Variants in ZNF66 observed in about 807,000 individuals in gnomAD.
ZNF66 encodes the protein putative zinc finger protein 66.
ZNF66 carries 32 observed loss-of-function variants against 35.2 expected under a neutral mutation model. The ratio of observed to expected loss-of-function variants is 0.91; its 90% CI spans 0.69 to 1.22. The LOEUF is 1.22. ZNF66 is among the 50% of genes most tolerant of loss of function. The probability of loss-of-function intolerance (pLI) is 0.00; values close to 1 mark genes in which losing one functional copy is unlikely to be tolerated. For missense variants in ZNF66, 666 were observed against 543.1 expected (o/e 1.23, Z -2.25); for synonymous variants, 231 against 181.3 (o/e 1.27, Z -2.20).
intron 1 of ZNF66, among the ~76,000 whole-genome samples, chr19:20,788,893 A>G (rs1382601176): frequency 6.6e-6 from 1 of 151,962 alleles, no homozygotes; most frequent in Non-Finnish European, 1.5e-5. Flanking sequence ...TCTACTAATA[A>G]TACAAAAATT....
In ZNF66 at chr19:20,776,345, C is replaced by G; in HGVS notation, c.-103C>G. The G allele has an allele frequency of 6.8e-7, 1 of 1,480,784 alleles. No individual in the cohort carries two copies. The highest frequency in any genetic ancestry group is 1.1e-5 in the South Asian group (1 of 88,286). The allele number at this position is 1,480,784 out of a possible 1,614,324, so 91.7% of individuals were successfully genotyped here. Reference sequence around the variant, plus strand: ...GGAGCTCCAGGTCGTCTGTTCACTGCTCTCTGTCTTCTTCTCCTAGAGGCC... The same window carrying G: ...GGAGCTCCAGGTCGTCTGTTCACTGGTCTCTGTCTTCTTCTCCTAGAGGCC... On this transcript the variant is annotated 5_prime_UTR_variant, in exon 1 of 4. Coordinates refer to ENST00000344519, the MANE Select transcript of ZNF66 (RefSeq NM_001355197.2).
At chr19:20,786,421 T>TG (rs1213314614) in intron 1 of ZNF66, among the ~76,000 whole-genome samples, 1 of 151,742 alleles carries the variant, frequency 6.6e-6, no homozygotes, top group Non-Finnish European at 1.5e-5. Context: ...CAGAGTAACA[T>TG]GTGTGCATTG....
intron 3 of ZNF66, chr19:20,799,258 C>A (rs1433341565): frequency 1.3e-5 from 2 of 151,972 alleles, no homozygotes; most frequent in East Asian, 3.9e-4. Context: ...AATGGTATTT[C>A]ACCATGTTGG....
chr19:20,777,616 A>T (rs570132213), intron 1 of ZNF66, among the ~76,000 whole-genome samples: 1 of 147,380 alleles, frequency 6.8e-6, no homozygotes, highest in Admixed American at 6.8e-5. Flanking sequence ...CATGTTCCTC[A>T]ATTAATTATT....
chr19:20,800,075 G>A (rs1436750808), intron 3 of ZNF66, among the ~76,000 whole-genome samples: 1 of 152,192 alleles, frequency 6.6e-6, no homozygotes, highest in East Asian at 1.9e-4. Flanking sequence ...CCAATGCAGT[G>A]GCATAATTGT....
At chr19:20,794,778 T>C in intron 3 of ZNF66, among the ~76,000 whole-genome samples, 1 of 151,944 alleles carries the variant, frequency 6.6e-6, no homozygotes, top group Non-Finnish European at 1.5e-5. Context: ...TATATTTTGC[T>C]AATTTACTGA....
chr19:20,792,633 T>G lies in ZNF66; in HGVS notation c.125T>G (p.Phe42Cys), dbSNP rs1483712098. The G allele has an allele frequency of 2.8e-6, 4 of 1,411,120 alleles. No individual in the cohort carries two copies. Among genetic ancestry groups the G allele is most frequent in the Non-Finnish European group, 3.0e-6 (3 of 1,011,932 alleles). 87.4% of individuals were successfully genotyped at this position (1,411,120 alleles called of 1,614,324 possible). A position where few individuals can be genotyped will look rare whatever the true frequency, so the allele number is the denominator to read the frequency against. ...TTAGAGAACTACAGAAACCTGGTCT[T>G]TCTTGGTGAGAAAAACTTTAATACA... ...VMLENYRNLV[F>C]LGIVVSKPDL... Residue 42 changes from phenylalanine to cysteine, a missense_variant, in exon 2 of 4, where the codon TTT (phenylalanine) becomes TGT (cysteine). Coordinates refer to ENST00000344519, the MANE Select transcript of ZNF66 (RefSeq NM_001355197.2).
chr19:20,803,970 CT>C (rs1355892542), intron 3 of ZNF66, among the ~76,000 whole-genome samples: 2 of 152,046 alleles, frequency 1.3e-5, no homozygotes, highest in Non-Finnish European at 2.9e-5. Flanking sequence ...TGAGACTATG[CT>C]TATAAATGAC....
At chr19:20,785,431 C>T (rs964540082) in intron 1 of ZNF66, among the ~76,000 whole-genome samples, 8 of 152,206 alleles carry the variant, frequency 5.3e-5, no homozygotes, top group African/African-American at 9.6e-5. Context: ...TGCTAAACTA[C>T]CTCCTGTTCT....
chr19:20,792,639 G>T lies in ZNF66; in HGVS notation c.130+1G>T. 1 of 1,387,788 alleles carries T rather than the reference G, an allele frequency of 7.2e-7. No individual in the cohort carries two copies. Among genetic ancestry groups the T allele is most frequent in the Non-Finnish European group, 1.0e-6 (1 of 992,592 alleles). 86.0% of individuals were successfully genotyped at this position (1,387,788 alleles called of 1,614,324 possible). ...AACTACAGAAACCTGGTCTTTCTTG[G>T]TGAGAAAAACTTTAATACATAACTC... is the stretch of plus-strand genomic sequence containing the variant. On this transcript the variant is annotated splice_donor_variant, in intron 2 of 3. Transcript: ENST00000344519. LOFTEE classifies it high-confidence loss of function.
chr19:20,777,985 A>G (rs1971211464), intron 1 of ZNF66, among the ~76,000 whole-genome samples: 2 of 152,040 alleles, frequency 1.3e-5, no homozygotes, highest in African/African-American at 4.8e-5. Context: ...TGCAGGGTAA[A>G]TTTTTTCTAT....
intron 1 of ZNF66, among the ~76,000 whole-genome samples, chr19:20,780,628 A>G (rs1250463386): frequency 2.0e-5 from 3 of 152,274 alleles, no homozygotes; most frequent in Non-Finnish European, 2.9e-5. Context: ...ATGTTAGACA[A>G]TAAGTTGGTG....
intron 3 of ZNF66, among the ~76,000 whole-genome samples, chr19:20,802,006 T>C (rs748503379): frequency 3.4e-5 from 5 of 147,320 alleles, no homozygotes; most frequent in Non-Finnish European, 6.0e-5. Context: ...TTGCTTTTAC[T>C]ATTAGTAAAA....
chr19:20,797,224 T>C (rs1244121879), intron 3 of ZNF66, among the ~76,000 whole-genome samples: 1 of 81,676 alleles, frequency 1.2e-5, no homozygotes, highest in Non-Finnish European at 2.4e-5. Context: ...TTTTTTTTTT[T>C]TGAGACGGAG....
intron 2 of ZNF66, among the ~76,000 whole-genome samples, chr19:20,792,943 C>G (rs1971352104): frequency 6.6e-6 from 1 of 151,810 alleles, no homozygotes; most frequent in Non-Finnish European, 1.5e-5. Context: ...TGGCATGCAC[C>G]TATAATCCCA....
chr19:20,803,327 T>C (rs1483528143), intron 3 of ZNF66, among the ~76,000 whole-genome samples: 4 of 151,276 alleles, frequency 2.6e-5, no homozygotes, highest in Admixed American at 2.6e-4. Context: ...TTTTTATCTT[T>C]GTATTGACAT....
intron 2 of ZNF66, among the ~76,000 whole-genome samples, chr19:20,793,332 C>CTTTTTTTTTT (rs781748526): frequency 3.5e-5 from 3 of 84,608 alleles, no homozygotes; most frequent in Admixed American, 1.6e-4. Flanking sequence ...CTTTTCTTTT[C>CTTTTTTTTTT]TTTTTTTTTT....
rs752768330 is a variant in ZNF66 at position 20,776,486 on chromosome 19, A to G, written c.3+36A>G. 29 of 1,530,724 alleles carry G rather than the reference A, an allele frequency of 1.9e-5. 1 individual carries two copies. The Admixed American group carries it at 3.7e-4, about 19-fold the overall frequency. The allele number at this position is 1,530,724 out of a possible 1,614,324, so 94.8% of individuals were successfully genotyped here. A position where few individuals can be genotyped will look rare whatever the true frequency, so the allele number is the denominator to read the frequency against. ...CGGTCCAGCATCCCGAGAGAGGTGA[A>G]GTGTCTGTGGCGGGACTCAGGCCTC... On this transcript the variant is annotated intron_variant, in intron 1 of 3. Transcript: ENST00000344519.
intron 1 of ZNF66, 129 bp downstream of exon 1, chr19:20,776,579 C>A: frequency 1.6e-6 from 2 of 1,275,696 alleles, no homozygotes; most frequent in Non-Finnish European, 2.2e-6. Flanking sequence ...TCCCATTCAG[C>A]CATAAGATGG....
Sources: gnomAD v4.1 joint callset for allele counts (sites outside exome capture counted in the v4.1 genomes callset) on GRCh38, gnomAD v4.1.1 for gene constraint, MANE v1.5 for transcripts, NCBI Gene and HGNC (gene_info 2026-07-23, HGNC 2026-07-21) for gene names.